Variants in PKP1 observed in about 807,000 individuals in gnomAD.
The protein encoded by PKP1 is plakophilin-1.
Under a neutral mutation model 76.4 loss-of-function variants are expected in PKP1, and 27 were observed. The ratio of observed to expected loss-of-function variants is 0.35; its 90% confidence interval spans 0.26 to 0.49. The LOEUF is 0.49. Among genes scored for constraint, PKP1 ranks in the 20% least tolerant of loss-of-function variants. PKP1 has a pLI of 0.99. For synonymous variants in PKP1, 404 were observed against 384.2 expected (o/e 1.05, Z -0.60); for missense variants, 964 against 955.2 (o/e 1.01, Z -0.12).
At chr1:201,303,610 GT>G (rs1656294710) in intron 2 of PKP1, among the ~76,000 whole-genome samples, 1 of 151,738 alleles carries the variant, frequency 6.6e-6, no homozygotes, top group Admixed American at 6.6e-5. Context: ...TTATTTTTTT[GT>G]TTGTTTGTTT....
intron 2 of PKP1, among the ~76,000 whole-genome samples, chr1:201,309,356 C>A (rs543350128): frequency 6.6e-6 from 1 of 152,166 alleles, no homozygotes; most frequent in East Asian, 1.9e-4. Context: ...CTAAAAGCAG[C>A]TTTTCCTGGC....
At chr1:201,320,515 G>A (rs759569461) in intron 7 of PKP1, 134 bp downstream of exon 7, 2 of 711,968 alleles carry the variant, frequency 2.8e-6, no homozygotes, top group Middle Eastern at 2.5e-4. Flanking sequence ...CTGGATGCAG[G>A]GCTCAGTGGT....
chr1:201,311,749 C>T (rs953427157), intron 2 of PKP1, among the ~76,000 whole-genome samples: 6 of 152,208 alleles, frequency 3.9e-5, no homozygotes, highest in African/African-American at 1.4e-4. Context: ...CTGGGTTTGG[C>T]CCTGGCCCAT....
rs922563468 is a variant in PKP1 at position 201,309,429 on chromosome 1, C to A, written c.307-3737C>A. Reference sequence around the variant, plus strand: ...GTCTCCCAAGTGAAGAAACATGTCTCTCAGAATGCTCTGGATTTCTGTCTG... The same window carrying A: ...GTCTCCCAAGTGAAGAAACATGTCTATCAGAATGCTCTGGATTTCTGTCTG... On this transcript the variant is annotated intron_variant, in intron 2 of 13. Transcript: ENST00000367324. Among the ~76,000 whole-genome samples the A allele has an allele frequency of 6.6e-5, 10 of 152,316 alleles. No homozygotes were observed. The South Asian group carries it at 2.1e-3, about 32-fold the overall frequency.
chr1:201,291,994 C>T (rs1184018706), intron 1 of PKP1, among the ~76,000 whole-genome samples: 2 of 152,330 alleles, frequency 1.3e-5, no homozygotes, highest in East Asian at 3.9e-4. Context: ...GTGCACTCTA[C>T]AGGGAGCTTG....
chr1:201,322,942 G>A, intron 8 of PKP1, 71 bp from the exon 9 acceptor site: 1 of 1,505,002 alleles, frequency 6.6e-7, no homozygotes, highest in Non-Finnish European at 9.1e-7. Context: ...GGGGGATGGG[G>A]ACAGAATGCC....
intron 2 of PKP1, among the ~76,000 whole-genome samples, chr1:201,309,690 C>T (rs763563866): frequency 8.5e-5 from 13 of 152,250 alleles, no homozygotes; most frequent in Admixed American, 2.6e-4. Flanking sequence ...AGCGGGCGCA[C>T]GTGCACTGCC....
rs139477402 is a variant in PKP1 at position 201,319,855 on chromosome 1, G to A, written c.1233-412G>A. The A allele has an allele frequency of 6.2e-5, 100 of 1,614,020 alleles. No homozygotes were observed. Among genetic ancestry groups the A allele is most frequent in the Middle Eastern group, 1.7e-4 (1 of 6,060 alleles). ...TGCGGGAGCTTCTGGCTCTTGTTCC[G>A]CAAAGGGCCACTAGTAGCAGGGTGT... On this transcript the variant is annotated intron_variant, in intron 6 of 13. Coordinates refer to ENST00000367324, the MANE Select transcript of PKP1 (RefSeq NM_001005337.3).
Position 201,322,053 on chromosome 1 carries a change from C to T in PKP1, c.1423C>T (p.Gln475Ter). Residue 475 changes from glutamine to a stop codon, truncating the protein, a stop_gained, in exon 8 of 14, where the codon CAG (glutamine) becomes TAG (stop). Coordinates refer to ENST00000367324, the MANE Select transcript of PKP1 (RefSeq NM_001005337.3). LOFTEE classifies it high-confidence loss of function. ...CGCCGAGGTGCCCACCCGCTACCGC[C>T]AGCTGGAGTATAACGCCCGCAACGC... is the stretch of plus-strand genomic sequence containing the variant. ...LDAEVPTRYR[Q>*]LEYNARNAYT... The T allele has an allele frequency of 2.5e-6, 4 of 1,613,976 alleles. No homozygotes were observed. The highest frequency in any genetic ancestry group is 3.4e-6 in the Non-Finnish European group (4 of 1,180,016).
intron 2 of PKP1, among the ~76,000 whole-genome samples, chr1:201,312,941 G>C (rs780104997): frequency 1.1e-4 from 17 of 152,140 alleles, no homozygotes; most frequent in African/African-American, 2.2e-4. Context: ...TTTTAAAAAT[G>C]ATGGCCATAG....
intron 7 of PKP1, among the ~76,000 whole-genome samples, chr1:201,320,820 C>G (rs1211494022): frequency 6.6e-6 from 1 of 152,180 alleles, no homozygotes; most frequent in Non-Finnish European, 1.5e-5. Flanking sequence ...TGCCCCACAG[C>G]CCAGAGGAAT....
At chr1:201,320,012 A>G (rs1215491638) in intron 6 of PKP1, 6 of 969,248 alleles carry the variant, frequency 6.2e-6, no homozygotes, top group Non-Finnish European at 9.9e-6. Context: ...AGCCAGGGCC[A>G]GGCGGAATTG....
Position 201,317,727 on chromosome 1 carries a change from A to C in PKP1, c.1002A>C (p.Ala334=), listed in dbSNP as rs1202157411. 3 of 1,613,926 alleles carry C rather than the reference A, an allele frequency of 1.9e-6. No individual in the cohort carries two copies. The highest frequency in any genetic ancestry group is 2.5e-6 in the Non-Finnish European group (3 of 1,179,934). The part of the protein sequence containing the change: ...ETRRQNGIRE[A]VSLLRRTGNA... Reference sequence around the variant, plus strand: ...GGAGGCAGAATGGGATCCGCGAGGCAGTCAGCCTCCTGAGGAGAACCGGGA... The same window carrying C: ...GGAGGCAGAATGGGATCCGCGAGGCCGTCAGCCTCCTGAGGAGAACCGGGA... The change falls in exon 5 of 14, where the codon GCA becomes GCC. Residue 334 remains alanine (A), a synonymous_variant. Coordinates refer to ENST00000367324, the MANE Select transcript of PKP1 (RefSeq NM_001005337.3).
chr1:201,326,714 A>G lies in PKP1; in HGVS notation c.2106+876A>G, dbSNP rs1355290679. ...GGCTGGAGGTGGTGTGGGCCCTGGC[A>G]GAGGGGCCAGAGCTACCATACAGAG... is the stretch of plus-strand genomic sequence containing the variant. On this transcript the variant is annotated intron_variant, in intron 12 of 13. Transcript: ENST00000367324. Among the ~76,000 whole-genome samples the G allele has an allele frequency of 2.0e-5, 3 of 152,358 alleles. No homozygotes were observed. The East Asian group carries it at 5.8e-4, about 29-fold the overall frequency.
intron 3 of PKP1, among the ~76,000 whole-genome samples, chr1:201,314,408 G>A (rs571894187): frequency 2.0e-5 from 3 of 152,310 alleles, no homozygotes; most frequent in African/African-American, 7.2e-5. Context: ...GTTGCAGTGA[G>A]CTGAGATAGT....
At chr1:201,324,865 TG>T in intron 10 of PKP1, 75 bp from the exon 11 acceptor site, 1 of 1,401,854 alleles carries the variant, frequency 7.1e-7, no homozygotes, top group Non-Finnish European at 9.9e-7. Context: ...TCGAAGAGTG[TG>T]GCCCCAGAGG....
In PKP1 at chr1:201,313,579, G is replaced by A. The variant is rs753010264; in HGVS notation, c.701+19G>A. On this transcript the variant is annotated intron_variant, in intron 3 of 13. Transcript: ENST00000367324. ...GCTCCAAGTGAGTGCTGCTGGGCTG[G>A]GTTGGGGAGCCAGGAGGGCCAGTGG... The A allele has an allele frequency of 1.9e-5, 31 of 1,605,514 alleles. No homozygotes were observed. The East Asian group carries it at 6.3e-4, about 32-fold the overall frequency.
intron 8 of PKP1, 110 bp downstream of exon 8, chr1:201,322,243 A>G (rs1173980667): frequency 1.6e-6 from 2 of 1,235,322 alleles, no homozygotes; most frequent in African/African-American, 3.0e-5. Context: ...AGCCAGCCCT[A>G]AGGGACAGGC....
intron 2 of PKP1, among the ~76,000 whole-genome samples, chr1:201,312,253 C>T (rs191824042): frequency 6.6e-6 from 1 of 152,248 alleles, no homozygotes; most frequent in Admixed American, 6.5e-5. Context: ...AGAGGGGAGG[C>T]AAGATGAAGA....
Sources: allele counts gnomAD v4.1 joint callset (sites outside exome capture counted in the v4.1 genomes callset), GRCh38; gene constraint gnomAD v4.1.1; transcripts MANE v1.5; gene names NCBI Gene and HGNC (gene_info 2026-07-23, HGNC 2026-07-21).